The following SLC8A1 variants were observed in gnomAD, a reference collection of about 807,000 sequenced individuals.
The protein encoded by SLC8A1 is solute carrier family 8 member A1.
A neutral mutation model predicts 68.3 loss-of-function variants in SLC8A1; 18 were observed. The observed-to-expected ratio is 0.26, with a 90% CI of 0.18 to 0.39. SLC8A1 has a LOEUF of 0.39. Among genes scored for constraint, SLC8A1 ranks in the 10% least tolerant of loss-of-function variants. The probability of loss-of-function intolerance (pLI) is 1.00; values close to 1 mark genes in which losing one functional copy is unlikely to be tolerated. For synonymous variants in SLC8A1, 475 were observed against 415.5 expected, an observed-to-expected ratio of 1.14 and a Z score of -1.74; for missense variants, 985 against 1,156.7, an observed-to-expected ratio of 0.85 and a Z score of 2.15.
chr2:40,195,408 G>A (rs1158142513), intron 2 of SLC8A1, among the ~76,000 whole-genome samples: 2 of 151,984 alleles, frequency 1.3e-5, no homozygotes, highest in Non-Finnish European at 2.9e-5. Context: ...CCTGCTTAAG[G>A]TCACGGTGGA....
chr2:40,500,601 G>T (rs1166301992), intron 1 of SLC8A1, among the ~76,000 whole-genome samples: 1 of 151,976 alleles, frequency 6.6e-6, no homozygotes, highest in Non-Finnish European at 1.5e-5. Flanking sequence ...TTTGAACTAA[G>T]TATTCATTTA....
intron 2 of SLC8A1, among the ~76,000 whole-genome samples, chr2:40,238,594 C>T (rs964936508): frequency 1.1e-4 from 16 of 152,168 alleles, no homozygotes; most frequent in African/African-American, 1.4e-4. Context: ...AGCTGTAGAC[C>T]GGAGCTGTTC....
chr2:40,133,655 C>A (rs1049690409), intron 7 of SLC8A1, among the ~76,000 whole-genome samples: 1 of 151,420 alleles, frequency 6.6e-6, no homozygotes, highest in East Asian at 2.0e-4. Context: ...CAACCCCCAC[C>A]AAGACGCGCA....
chr2:40,237,791 C>T (rs1230232773), intron 2 of SLC8A1, among the ~76,000 whole-genome samples: 35 of 152,092 alleles, frequency 2.3e-4, no homozygotes, highest in Middle Eastern at 6.8e-3. Flanking sequence ...TTGGTGTGGA[C>T]GTCCTTTCTG....
intron 1 of SLC8A1, among the ~76,000 whole-genome samples, chr2:40,488,799 A>G (rs1267740488): frequency 6.6e-6 from 1 of 152,026 alleles, no homozygotes; most frequent in Admixed American, 6.6e-5. Context: ...GACTGTGTTT[A>G]TGTCTTATAA....
chr2:40,342,156 G>A (rs958488592), intron 2 of SLC8A1, among the ~76,000 whole-genome samples: 1 of 152,028 alleles, frequency 6.6e-6, no homozygotes, highest in African/African-American at 2.4e-5. Flanking sequence ...AATAATTTTT[G>A]TCTAGTTGAA....
At chr2:40,289,656 G>C (rs1306191973) in intron 2 of SLC8A1, among the ~76,000 whole-genome samples, 1 of 152,096 alleles carries the variant, frequency 6.6e-6, no homozygotes, top group East Asian at 1.9e-4. Context: ...TTGGAGACCA[G>C]CCTGGCCAAC....
intron 5 of SLC8A1, among the ~76,000 whole-genome samples, chr2:40,164,160 A>G (rs1460102800): frequency 3.9e-5 from 2 of 50,834 alleles, no homozygotes; most frequent in African/African-American, 1.0e-4. Context: ...AAGGGATGGG[A>G]GGGGACAGAG....
intron 2 of SLC8A1, among the ~76,000 whole-genome samples, chr2:40,355,791 C>T (rs555850169): frequency 8.8e-4 from 134 of 152,282 alleles, no homozygotes; most frequent in Non-Finnish European, 1.7e-3. Context: ...GTTTCTTTGG[C>T]ATTTGCTTTC....
exon 8 of SLC8A1, chr2:40,098,199 A>G (rs975113656): frequency 6.6e-6 from 1 of 152,070 alleles, no homozygotes; most frequent in East Asian, 1.9e-4. Flanking sequence ...ATATTTCCCC[A>G]CAGGAATATG....
At chr2:40,302,148 T>G (rs1264318183) in intron 2 of SLC8A1, among the ~76,000 whole-genome samples, 1 of 150,616 alleles carries the variant, frequency 6.6e-6, no homozygotes, top group Admixed American at 6.7e-5. Context: ...CCACCTGCCT[T>G]AGCCTCCCAG....
Position 40,445,016 on chromosome 2 carries a change from GCT to G in SLC8A1, c.-25+6886_-25+6887del, listed in dbSNP as rs894133677. ...CTGGGGGCACACAGGCAGGAACAAG[GCT>G]CTCTCTCACCATTTATATCTTCAGT... On this transcript the variant is annotated intron_variant, in intron 1 of 7. Coordinates refer to ENST00000406785, the Ensembl canonical transcript of SLC8A1. Among the ~76,000 whole-genome samples, 23 of 152,236 alleles carry G rather than the reference GCT, an allele frequency of 1.5e-4. No individual in the cohort carries two copies. The East Asian group carries it at 2.7e-3, about 18-fold the overall frequency.
chr2:40,305,985 T>C (rs1414257825), intron 2 of SLC8A1, among the ~76,000 whole-genome samples: 1 of 152,232 alleles, frequency 6.6e-6, no homozygotes, highest in Non-Finnish European at 1.5e-5. Context: ...GCTTGGCACA[T>C]CTTAAATGCA....
intron 2 of SLC8A1, among the ~76,000 whole-genome samples, chr2:40,286,385 C>T (rs1172561794): frequency 6.6e-6 from 1 of 152,152 alleles, no homozygotes; most frequent in African/African-American, 2.4e-5. Flanking sequence ...TTGCCATTGC[C>T]TTAAGACCAT....
intron 2 of SLC8A1, among the ~76,000 whole-genome samples, chr2:40,291,434 C>A (rs1358867668): frequency 2.0e-5 from 3 of 151,996 alleles, no homozygotes; most frequent in Non-Finnish European, 4.4e-5. Flanking sequence ...GCTCATATTC[C>A]GAAAGTTTCC....
chr2:40,216,775 A>T (rs1319745599), intron 2 of SLC8A1, among the ~76,000 whole-genome samples: 1 of 152,000 alleles, frequency 6.6e-6, no homozygotes, highest in Non-Finnish European at 1.5e-5. Context: ...TTCTTTTCAT[A>T]TTTTTGTTGG....
chr2:40,277,811 T>C (rs1268542237), intron 2 of SLC8A1, among the ~76,000 whole-genome samples: 2 of 110,266 alleles, frequency 1.8e-5, no homozygotes, highest in African/African-American at 5.9e-5. Flanking sequence ...TATATATATA[T>C]ATATATATAT....
intron 2 of SLC8A1, among the ~76,000 whole-genome samples, chr2:40,259,254 A>AG (rs35381002): frequency 0.17 from 26,527 of 152,136 alleles, 2,648 homozygotes; most frequent in Admixed American, 0.3. Context: ...TGGAGATAAT[A>AG]GAAGCCTTCC....
intron 1 of SLC8A1, among the ~76,000 whole-genome samples, chr2:40,486,833 A>G (rs1158024580): frequency 2.0e-5 from 3 of 148,682 alleles, no homozygotes; most frequent in African/African-American, 7.4e-5. Flanking sequence ...TTAACTCGTC[A>G]TTTACATTAG....
Sources: gnomAD v4.1 joint callset for allele counts (sites outside exome capture counted in the v4.1 genomes callset) on GRCh38, gnomAD v4.1.1 for gene constraint, MANE v1.5 for transcripts, NCBI Gene and HGNC (gene_info 2026-07-23, HGNC 2026-07-21) for gene names.